HS6ST2: variants seen among roughly 807,000 people sequenced by gnomAD.
HS6ST2 encodes heparan sulfate 6-O-sulfotransferase 2.
A neutral mutation model predicts 33.0 loss-of-function variants in HS6ST2; 17 were observed. The ratio of observed to expected loss-of-function variants is 0.52; its 90% CI spans 0.35 to 0.77. The LOEUF (loss-of-function observed/expected upper bound fraction) is 0.77. Ranked by LOEUF, HS6ST2 falls within the 30% of genes least tolerant of loss-of-function variation. HS6ST2 has a pLI of 0.01. For synonymous variants in HS6ST2, 248 were observed against 237.1 expected (o/e 1.05, Z -0.42); for missense variants, 519 against 551.7 (o/e 0.94, Z 0.59).
At chrX:132,927,858 G>GAA (rs752332242) in intron 2 of HS6ST2, among the ~76,000 whole-genome samples, 34 of 52,015 alleles carry the variant, frequency 6.5e-4, no homozygotes, top group Non-Finnish European at 8.9e-4. Context: ...CCCTGTCTCA[G>GAA]AAAAAAAAAA....
intron 2 of HS6ST2, among the ~76,000 whole-genome samples, chrX:132,727,869 A>G (rs754472418): frequency 8.9e-6 from 1 of 111,891 alleles, no homozygotes; most frequent in East Asian, 2.8e-4. Context: ...GATTATTCAT[A>G]TAAATGGAAT....
chrX:132,955,078 T>C (rs1031521125), intron 2 of HS6ST2, among the ~76,000 whole-genome samples: 1 of 112,557 alleles, frequency 8.9e-6, no homozygotes, highest in Non-Finnish European at 1.9e-5. Context: ...TTCTCTGCTA[T>C]AGTCATGGCT....
intron 2 of HS6ST2, among the ~76,000 whole-genome samples, chrX:132,932,506 C>G (rs957023242): frequency 1.8e-5 from 2 of 111,403 alleles, no homozygotes; most frequent in Non-Finnish European, 3.8e-5. Flanking sequence ...AATAAGCAAA[C>G]AGCAACAAAT....
At chrX:132,849,993 A>G (rs1349639994) in intron 2 of HS6ST2, among the ~76,000 whole-genome samples, 1 of 112,211 alleles carries the variant, frequency 8.9e-6, no homozygotes, top group African/African-American at 3.2e-5. Flanking sequence ...AACATAAGTT[A>G]GAAACTAAGT....
At chrX:132,689,756 A>G (rs2064046245) in intron 3 of HS6ST2, among the ~76,000 whole-genome samples, 1 of 112,542 alleles carries the variant, frequency 8.9e-6, no homozygotes, top group Non-Finnish European at 1.9e-5. Flanking sequence ...CTTTCAGATC[A>G]TGAAGATACT....
intron 2 of HS6ST2, among the ~76,000 whole-genome samples, chrX:132,783,608 C>T (rs2065033919): frequency 9.0e-6 from 1 of 111,093 alleles, no homozygotes; most frequent in South Asian, 3.9e-4. Context: ...AGCTTTCTTT[C>T]ACCCAAATGC....
chrX:132,937,394 A>C (rs2066835600), intron 2 of HS6ST2, among the ~76,000 whole-genome samples: 1 of 112,100 alleles, frequency 8.9e-6, no homozygotes, highest in African/African-American at 3.2e-5. Context: ...CCGAAGCAAT[A>C]CTGAGCAAAA....
chrX:132,932,047 G>A (rs1602893387), intron 2 of HS6ST2, among the ~76,000 whole-genome samples: 1 of 109,537 alleles, frequency 9.1e-6, no homozygotes, highest in Non-Finnish European at 1.9e-5. Flanking sequence ...TTAGCCGGGC[G>A]TGGTGGTGGG....
At chrX:132,636,969 G>T (rs1290057330) in intron 4 of HS6ST2, among the ~76,000 whole-genome samples, 1 of 112,191 alleles carries the variant, frequency 8.9e-6, no homozygotes. Context: ...ACTCAGAGAT[G>T]ATGTGACTCT....
At chrX:132,946,269 T>G (rs904678249) in intron 2 of HS6ST2, among the ~76,000 whole-genome samples, 2 of 112,095 alleles carry the variant, frequency 1.8e-5, no homozygotes, top group Admixed American at 9.4e-5. Context: ...ATCCCATTAC[T>G]GGGTATATAC....
At chrX:132,870,245 C>T (rs191087350) in intron 2 of HS6ST2, among the ~76,000 whole-genome samples, 1 of 111,330 alleles carries the variant, frequency 9.0e-6, no homozygotes, top group Admixed American at 9.6e-5. Context: ...GAACTACAAA[C>T]CACTGTTCAA....
intron 3 of HS6ST2, among the ~76,000 whole-genome samples, chrX:132,696,183 C>T (rs746391979): frequency 1.8e-5 from 2 of 111,958 alleles, no homozygotes; most frequent in African/African-American, 6.5e-5. Flanking sequence ...CTGTGATTCA[C>T]AGTTCACTGG....
rs761747116 is a variant in HS6ST2 at position 132,774,752 on chromosome X, CTCACTGCAACCTCTGCCT to C, written c.948-66276_948-66259del. Reference sequence around the variant, plus strand: ...CTGGAGTGCAGTCCCGTGGTCCTGGCTCACTGCAACCTCTGCCTTCTGAGTTCAAGTGATTCTCCTGCC... The same window carrying C: ...CTGGAGTGCAGTCCCGTGGTCCTGGCTCTGAGTTCAAGTGATTCTCCTGCC... On this transcript the variant is annotated intron_variant, in intron 2 of 4. Transcript: ENST00000370833. 2.7e-5 allele frequency among the ~76,000 whole-genome samples: 3 copies of C among 110,812 alleles called. No homozygotes were observed. The East Asian group carries it at 8.5e-4, about 32-fold the overall frequency.
intron 2 of HS6ST2, among the ~76,000 whole-genome samples, chrX:132,948,210 T>C (rs752725356): frequency 1.8e-5 from 2 of 111,803 alleles, no homozygotes; most frequent in South Asian, 3.8e-4. Context: ...GACACTTACA[T>C]TGGGGAAGAA....
rs192697559 is a variant in HS6ST2, at chrX:132,838,718, A to C, written c.947+118090T>G. Among the ~76,000 whole-genome samples the C allele has an allele frequency of 3.7e-4, 41 of 110,922 alleles. No individual in the cohort carries two copies. In the East Asian group the frequency reaches 0.01, roughly 28 times the overall value. On this transcript the variant is annotated intron_variant, in intron 2 of 4. Coordinates refer to ENST00000370833, the MANE Select transcript of HS6ST2 (RefSeq NM_001394073.1). ...CTGGATTTCAATATCGTGAGCTGAA[A>C]AATTCAGTTGTAAATGACAAGTCAA...
intron 2 of HS6ST2, among the ~76,000 whole-genome samples, chrX:132,901,559 T>A (rs2066426343): frequency 9.0e-6 from 1 of 111,611 alleles, no homozygotes; most frequent in Non-Finnish European, 1.9e-5. Flanking sequence ...GCTAAGAATA[T>A]AAAGTCCCTG....
chrX:132,641,007 T>C lies in HS6ST2; in HGVS notation c.1068-11914A>G, dbSNP rs1014806145. Among the ~76,000 whole-genome samples, 5 of 112,113 alleles carry C rather than the reference T, an allele frequency of 4.5e-5. No individual in the cohort carries two copies. The Admixed American group carries it at 4.7e-4, about 11-fold the overall frequency. ...GGTGGTGAGCACAGTTCCCAATTGG[T>C]AGTTTTTCAACCCACAACCCCTTCC... On this transcript the variant is annotated intron_variant, in intron 4 of 4. Transcript: ENST00000370833.
intron 2 of HS6ST2, among the ~76,000 whole-genome samples, chrX:132,762,651 G>T (rs2064812848): frequency 9.0e-6 from 1 of 111,406 alleles, no homozygotes. Context: ...GACCACAAAA[G>T]ACCCAGAAAC....
chrX:132,650,741 ATC>A (rs3066707), intron 4 of HS6ST2, among the ~76,000 whole-genome samples: 15,797 of 87,198 alleles, frequency 0.18, 1,185 homozygotes, highest in Middle Eastern at 0.33. Flanking sequence ...CATAGGAGGG[ATC>A]TCTCTCTCTC....
Sources: gnomAD v4.1 joint callset for allele counts (sites outside exome capture counted in the v4.1 genomes callset) on GRCh38, gnomAD v4.1.1 for gene constraint, MANE v1.5 for transcripts, NCBI Gene and HGNC (gene_info 2026-07-23, HGNC 2026-07-21) for gene names.